The following TMEM217B variants were observed in gnomAD, a reference collection of about 807,000 sequenced individuals.
The protein encoded by TMEM217B is transmembrane protein 217B, also known as putative transmembrane protein 217B.
chr6:37,212,517 G>C, the TMEM217B span: 1 of 457,544 alleles, frequency 2.2e-6, no homozygotes, highest in Non-Finnish European at 4.4e-6. Flanking sequence ...CCACAGTCTG[G>C]GATTCCTTGT....
chr6:37,217,221 G>A, the TMEM217B span, among the ~76,000 whole-genome samples: 1 of 152,222 alleles, frequency 6.6e-6, no homozygotes. Context: ...TTAAACCCGG[G>A]AGGCGGGGGT....
the TMEM217B span, among the ~76,000 whole-genome samples, chr6:37,235,332 T>A: frequency 3.3e-5 from 5 of 152,142 alleles, no homozygotes; most frequent in Admixed American, 1.3e-4. Context: ...CACCACAGAC[T>A]GGGTAATATA....
At chr6:37,233,775 G>T in the TMEM217B span, among the ~76,000 whole-genome samples, 130,450 of 152,200 alleles carry the variant, frequency 0.86, 56,303 homozygotes, top group African/African-American at 0.96. Context: ...GCTAACTAAC[G>T]AAGTTACTAA....
At chr6:37,250,767 G>A in the TMEM217B span, among the ~76,000 whole-genome samples, 13 of 152,336 alleles carry the variant, frequency 8.5e-5, no homozygotes, top group South Asian at 4.1e-4. Context: ...GCTAAACAAT[G>A]CCCATATTAC....
At chr6:37,241,177 C>A in the TMEM217B span, among the ~76,000 whole-genome samples, 3 of 149,902 alleles carry the variant, frequency 2.0e-5, no homozygotes, top group African/African-American at 2.5e-5. Context: ...TGGCTCACTG[C>A]ACCTTTGACC....
the TMEM217B span, among the ~76,000 whole-genome samples, chr6:37,235,656 A>G: frequency 6.6e-6 from 1 of 152,038 alleles, no homozygotes; most frequent in Non-Finnish European, 1.5e-5. Flanking sequence ...GTGAGCCACC[A>G]CGCCTGGCCT....
the TMEM217B span, among the ~76,000 whole-genome samples, chr6:37,225,015 A>G: frequency 1.3e-5 from 2 of 151,426 alleles, no homozygotes; most frequent in Admixed American, 1.3e-4. Flanking sequence ...TCTATAAAAA[A>G]AAAAAAAAAA....
chr6:37,252,619 A>G, the TMEM217B span, among the ~76,000 whole-genome samples: 10 of 107,186 alleles, frequency 9.3e-5, no homozygotes, highest in South Asian at 5.7e-4. Context: ...ATGTGTGTGT[A>G]TATATATATA....
At chr6:37,228,516 C>A in the TMEM217B span, among the ~76,000 whole-genome samples, 1 of 152,106 alleles carries the variant, frequency 6.6e-6, no homozygotes, top group East Asian at 1.9e-4. Flanking sequence ...CCAGCCTGAC[C>A]AATATGGTGA....
chr6:37,245,469 T>G, the TMEM217B span, among the ~76,000 whole-genome samples: 3 of 152,196 alleles, frequency 2.0e-5, no homozygotes, highest in African/African-American at 7.2e-5. Flanking sequence ...AAGTCTAGAG[T>G]GGGTGCATTT....
At chr6:37,247,069 C>T in the TMEM217B span, among the ~76,000 whole-genome samples, 5 of 152,250 alleles carry the variant, frequency 3.3e-5, no homozygotes, top group Non-Finnish European at 5.9e-5. Context: ...CTGGTCATGT[C>T]ATGTCCCAGC....
At chr6:37,246,509 G>C in the TMEM217B span, among the ~76,000 whole-genome samples, 7 of 152,282 alleles carry the variant, frequency 4.6e-5, no homozygotes, top group South Asian at 8.3e-4. Flanking sequence ...CACTGCAAGA[G>C]GGAGTGAAAA....
At chr6:37,225,814 A>G in the TMEM217B span, among the ~76,000 whole-genome samples, 3 of 152,320 alleles carry the variant, frequency 2.0e-5, no homozygotes, top group East Asian at 5.8e-4. Context: ...CGGGATGCAA[A>G]TGCAAGTGAT....
At chr6:37,219,674 G>GTGAGCTGAGA in the TMEM217B span, among the ~76,000 whole-genome samples, 1 of 152,094 alleles carries the variant, frequency 6.6e-6, no homozygotes, top group Non-Finnish European at 1.5e-5. Context: ...CAAGGCTGCA[G>GTGAGCTGAGA]TGAGCTGAGA....
At chr6:37,218,065 G>C in the TMEM217B span, 1,203 of 1,004,732 alleles carry the variant, frequency 1.2e-3, 8 homozygotes, top group African/African-American at 9.7e-3. Context: ...CAAAAGTGGG[G>C]GGAAAAAAGG....
At chr6:37,250,195 G>A in the TMEM217B span, among the ~76,000 whole-genome samples, 1 of 152,108 alleles carries the variant, frequency 6.6e-6, no homozygotes, top group Non-Finnish European at 1.5e-5. Flanking sequence ...ACAAACATAG[G>A]TAGAAAATAT....
At chr6:37,257,451 ATTCC>A in the TMEM217B span, 1 of 154,692 alleles carries the variant, frequency 6.5e-6, no homozygotes, top group African/African-American at 2.4e-5. Flanking sequence ...TAGGTGAAAG[ATTCC>A]TATATATAAA....
the TMEM217B span, among the ~76,000 whole-genome samples, chr6:37,230,496 G>A: frequency 4.9e-3 from 751 of 152,184 alleles, 9 homozygotes; most frequent in African/African-American, 0.017. Flanking sequence ...GTTAAAATTA[G>A]GTCATTAGTG....
chr6:37,230,799 T>G, the TMEM217B span, among the ~76,000 whole-genome samples: 1 of 152,170 alleles, frequency 6.6e-6, no homozygotes, highest in Non-Finnish European at 1.5e-5. Flanking sequence ...AGAACAGCCT[T>G]TCAATTCTTC....
Sources: allele counts gnomAD v4.1 joint callset (sites outside exome capture counted in the v4.1 genomes callset), GRCh38; gene constraint gnomAD v4.1.1; transcripts MANE v1.5; gene names NCBI Gene and HGNC (gene_info 2026-07-23, HGNC 2026-07-21).